SYNE2: variants seen among roughly 807,000 people sequenced by gnomAD.
The protein encoded by SYNE2 is spectrin repeat containing nuclear envelope protein 2, also known as nesprin-2.
A neutral mutation model predicts 856.3 loss-of-function variants in SYNE2; 431 were observed. The observed-to-expected ratio is 0.50, with a 90% CI of 0.47 to 0.55. SYNE2 has a LOEUF of 0.55. SYNE2 is among the 20% of genes least tolerant of loss of function. SYNE2 has a pLI of 0.00. For missense variants in SYNE2, 8,129 were observed against 8,023.2 expected (o/e 1.01, Z -0.50); for synonymous variants, 2,923 against 2,872.3 (o/e 1.02, Z -0.56).
rs903290093 is a variant in SYNE2 at position 63,956,215 on chromosome 14, C to T, written c.787+1300C>T. Among the ~76,000 whole-genome samples, 6 of 152,242 alleles carry T rather than the reference C, an allele frequency of 3.9e-5. No individual in the cohort carries two copies. The South Asian group carries it at 1.2e-3, about 32-fold the overall frequency. On this transcript the variant is annotated intron_variant, in intron 8 of 115. Coordinates refer to ENST00000555002, the MANE Select transcript of SYNE2 (RefSeq NM_182914.3). Reference sequence around the variant, plus strand: ...GTTACCAATGTGCAGTCACTGAACACAGAATTAGAAAAAGATGTGCAGTAC... The same window carrying T: ...GTTACCAATGTGCAGTCACTGAACATAGAATTAGAAAAAGATGTGCAGTAC...
chr14:64,190,616 T>C (rs1413747885), intron 99 of SYNE2: 2 of 702,174 alleles, frequency 2.8e-6, no homozygotes, highest in East Asian at 2.7e-5. Flanking sequence ...GCAGATCAGG[T>C]AAGGGCACAG....
At chr14:63,879,151 A>G (rs990098167) in intron 1 of SYNE2, among the ~76,000 whole-genome samples, 2 of 152,324 alleles carry the variant, frequency 1.3e-5, no homozygotes, top group South Asian at 4.1e-4. Context: ...GAAGAACCAT[A>G]CCATGACCTA....
At chr14:64,155,290 A>G (rs940396302) in intron 85 of SYNE2, among the ~76,000 whole-genome samples, 3 of 46,870 alleles carry the variant, frequency 6.4e-5, no homozygotes, top group African/African-American at 4.6e-4. Flanking sequence ...GTACATACAT[A>G]TATATATATA....
intron 77 of SYNE2, among the ~76,000 whole-genome samples, chr14:64,133,144 T>C (rs1372153321): frequency 2.0e-5 from 3 of 151,412 alleles, no homozygotes; most frequent in African/African-American, 7.3e-5. Flanking sequence ...AGGCAGACCT[T>C]GCAGTGAGCC....
rs1219116288 is a variant in SYNE2 at position 64,209,412 on chromosome 14, G to C, written c.18390-16G>C. 6.2e-7 allele frequency: 1 copy of C among 1,614,222 alleles called. No individual in the cohort carries two copies. The highest frequency in any genetic ancestry group is 8.5e-7 in the Non-Finnish European group (1 of 1,180,034). On this transcript the variant is annotated splice_polypyrimidine_tract_variant and intron_variant, in intron 101 of 115. Coordinates refer to ENST00000555002, the MANE Select transcript of SYNE2 (RefSeq NM_182914.3). ...TGGAGGGGATGGCTTGTGTTAAGTT[G>C]CTTTGCTCCCATCAGAATCGAGGAG...
In SYNE2 at chr14:64,175,030, G is replaced by C. The variant is rs2098427101; in HGVS notation, c.17322G>C (p.Leu5774=). The C allele has an allele frequency of 2.5e-6, 4 of 1,614,160 alleles. No individual in the cohort carries two copies. Among genetic ancestry groups the C allele is most frequent in the Non-Finnish European group, 3.4e-6 (4 of 1,180,034 alleles). The change falls in exon 95 of 116, where the codon CTG becomes CTC. Residue 5774 remains leucine (L), a synonymous_variant. Coordinates refer to ENST00000555002, the MANE Select transcript of SYNE2 (RefSeq NM_182914.3). ...AGEKLLLTTD[L]KTKESVGRRI... ...AAAAGTTACTGCTCACAACTGACCT[G>C]AAAACTAAAGAGTCTGTGGGTAGGA...
intron 104 of SYNE2, 85 bp downstream of exon 104, chr14:64,212,183 C>A: frequency 6.3e-7 from 1 of 1,598,938 alleles, no homozygotes; most frequent in Non-Finnish European, 8.5e-7. Flanking sequence ...TCACACGATA[C>A]TCTGAGAGCA....
chr14:64,104,595 G>C (rs1337791837), intron 64 of SYNE2, among the ~76,000 whole-genome samples: 2 of 151,938 alleles, frequency 1.3e-5, no homozygotes, highest in African/African-American at 4.8e-5. Context: ...GATTACAGGT[G>C]CCCGCCACCA....
chr14:63,881,043 T>G (rs1759235429), intron 1 of SYNE2, among the ~76,000 whole-genome samples: 1 of 151,778 alleles, frequency 6.6e-6, no homozygotes, highest in South Asian at 2.1e-4. Flanking sequence ...AGAGATAGGG[T>G]TTCACCATAT....
chr14:64,224,695 C>G, intron 114 of SYNE2, 148 bp downstream of exon 114: 1 of 891,760 alleles, frequency 1.1e-6, no homozygotes, highest in Non-Finnish European at 1.8e-6. Context: ...CAGTCTGCCT[C>G]TAGTCACTCT....
chr14:63,986,752 G>C, intron 19 of SYNE2, 135 bp downstream of exon 19: 1 of 982,248 alleles, frequency 1.0e-6, no homozygotes. Context: ...AAAAATGAAT[G>C]GATTTTATCC....
chr14:64,101,657 A>C (rs1475556369), intron 63 of SYNE2, among the ~76,000 whole-genome samples: 1 of 152,172 alleles, frequency 6.6e-6, no homozygotes, highest in Non-Finnish European at 1.5e-5. Flanking sequence ...TAAATTCCTA[A>C]AAGCACCATT....
chr14:64,071,388 G>T (rs966803924), intron 52 of SYNE2, among the ~76,000 whole-genome samples: 1 of 152,032 alleles, frequency 6.6e-6, no homozygotes, highest in Non-Finnish European at 1.5e-5. Flanking sequence ...CAGCTACTCG[G>T]GAGGCTGAGG....
chr14:63,945,774 G>T (rs1163458571), intron 6 of SYNE2, among the ~76,000 whole-genome samples: 1 of 152,114 alleles, frequency 6.6e-6, no homozygotes, highest in Admixed American at 6.5e-5. Flanking sequence ...ACAGGTGTGT[G>T]TCACTATGCC....
Position 64,141,525 on chromosome 14 carries a change from T to G in SYNE2, c.15159+2T>G, listed in dbSNP as rs1299251422. The G allele has an allele frequency of 2.5e-5, 40 of 1,613,636 alleles. No individual in the cohort carries two copies. Among genetic ancestry groups the G allele is most frequent in the Non-Finnish European group, 3.4e-5 (40 of 1,179,816 alleles). On this transcript the variant is annotated splice_donor_variant, in intron 81 of 115. Transcript: ENST00000555002. LOFTEE classifies it high-confidence loss of function. The stretch of plus-strand genomic sequence containing the variant: ...GATATTCAAGAAAAACTTCACCAGG[T>G]AAGTCTTTAGAGCCTCAGCATTTGA...
intron 107 of SYNE2, chr14:64,215,870 G>A (rs1419515371): frequency 2.7e-6 from 3 of 1,117,446 alleles, no homozygotes; most frequent in African/African-American, 1.6e-5. Flanking sequence ...AGAGCCCTGA[G>A]GAGCCTTTTG....
At chr14:63,900,023 T>C (rs529360285) in intron 1 of SYNE2, among the ~76,000 whole-genome samples, 19 of 152,334 alleles carry the variant, frequency 1.2e-4, no homozygotes, top group Non-Finnish European at 2.4e-4. Flanking sequence ...CAAGAAGTAT[T>C]ATTCCCATTC....
intron 1 of SYNE2, among the ~76,000 whole-genome samples, chr14:63,818,039 A>AC (rs1555341612): frequency 1.5e-4 from 22 of 147,310 alleles, no homozygotes; most frequent in African/African-American, 4.6e-4. Flanking sequence ...AAAAAAAAAA[A>AC]AAAAAAACAA....
chr14:64,146,180 C>T lies in SYNE2; in HGVS notation c.15596C>T (p.Pro5199Leu), dbSNP rs980025226. Residue 5199 changes from proline (P) to leucine (L), a missense_variant, in exon 84 of 116, where the codon CCT (proline) becomes CTT (leucine). Physicochemically the swap from Pro to Leu is moderately conservative, Grantham distance 98. Coordinates refer to ENST00000555002, the MANE Select transcript of SYNE2 (RefSeq NM_182914.3). ...GAGAGACTGAAAACTTTACAAAAAC[C>T]TGAAAGTGTGATCTCAGTGCAGAAG... ...QEERLKTLQK[P>L]ESVISVQKLL... is the part of the protein sequence containing the mutation. 1.2e-6 allele frequency: 2 copies of T among 1,612,546 alleles called. No individual in the cohort carries two copies. Among genetic ancestry groups the T allele is most frequent in the Non-Finnish European group, 1.7e-6 (2 of 1,179,478 alleles).
Sources: allele counts gnomAD v4.1 joint callset (sites outside exome capture counted in the v4.1 genomes callset), GRCh38; gene constraint gnomAD v4.1.1; transcripts MANE v1.5; gene names NCBI Gene and HGNC (gene_info 2026-07-23, HGNC 2026-07-21).